Variants in TEX9 observed in about 807,000 individuals in gnomAD.
The protein encoded by TEX9 is testis-expressed protein 9.
Under a neutral mutation model 59.6 loss-of-function variants are expected in TEX9, and 74 were observed. The ratio of observed to expected loss-of-function variants is 1.24; its 90% CI spans 1.03 to 1.51. The LOEUF (loss-of-function observed/expected upper bound fraction) is 1.51. Among genes scored for constraint, TEX9 ranks in the 40% most tolerant of loss-of-function variants. The pLI, the probability that TEX9 is intolerant of heterozygous loss-of-function variation, is 0.00. For synonymous variants in TEX9, 186 were observed against 152.2 expected, an observed-to-expected ratio of 1.22 and a Z score of -1.64; for missense variants, 522 against 447.8, an observed-to-expected ratio of 1.17 and a Z score of -1.49.
At chr15:56,319,479 T>C (rs1269761299) in intron 1 of TEX9, among the ~76,000 whole-genome samples, 1 of 152,040 alleles carries the variant, frequency 6.6e-6, no homozygotes, top group Non-Finnish European at 1.5e-5. Context: ...ATGCAAAAAT[T>C]TTAATCACAC....
intron 1 of TEX9, among the ~76,000 whole-genome samples, chr15:56,309,719 T>TTTTTTTC (rs2045565852): frequency 7.0e-6 from 1 of 143,472 alleles, no homozygotes; most frequent in Non-Finnish European, 1.5e-5. Flanking sequence ...TTTTTTTTTT[T>TTTTTTTC]TTTTTAAAGC....
chr15:56,317,806 T>C (rs1435080629), intron 1 of TEX9, among the ~76,000 whole-genome samples: 1 of 152,204 alleles, frequency 6.6e-6, no homozygotes, highest in Non-Finnish European at 1.5e-5. Flanking sequence ...TTTCCACATA[T>C]CTGAGAATTT....
intron 1 of TEX9, among the ~76,000 whole-genome samples, chr15:56,294,355 T>C (rs1407264369): frequency 6.6e-6 from 1 of 152,224 alleles, no homozygotes; most frequent in African/African-American, 2.4e-5. Flanking sequence ...CTCCTCTCAC[T>C]CCTAACCTTG....
chr15:56,318,606 C>G (rs1567083888), intron 1 of TEX9, among the ~76,000 whole-genome samples: 1 of 151,678 alleles, frequency 6.6e-6, no homozygotes, highest in South Asian at 2.1e-4. Context: ...TTCTTTATTC[C>G]TTTATTACTT....
intron 1 of TEX9, among the ~76,000 whole-genome samples, chr15:56,315,912 C>A (rs541871882): frequency 1.3e-5 from 2 of 151,544 alleles, no homozygotes; most frequent in South Asian, 2.1e-4. Context: ...CATCTTCCAT[C>A]GCTGATACCC....
At chr15:56,436,679 GAGA>G (rs1293001740) in intron 12 of TEX9, among the ~76,000 whole-genome samples, 3 of 152,092 alleles carry the variant, frequency 2.0e-5, no homozygotes, top group South Asian at 2.1e-4. Context: ...CTGGTTTTCT[GAGA>G]AGATCAACAA....
At chr15:56,454,455 C>G in the TEX9 span, among the ~76,000 whole-genome samples, 17 of 152,082 alleles carry the variant, frequency 1.1e-4, no homozygotes, top group Non-Finnish European at 2.1e-4. Context: ...CTCATTCATT[C>G]TATTTTTTTT....
intron 12 of TEX9, chr15:56,429,654 GC>G (rs1184700688): frequency 6.6e-6 from 1 of 152,490 alleles, no homozygotes; most frequent in Non-Finnish European, 1.5e-5. Context: ...TTGGAGTTAA[GC>G]CATTTAAGCA....
intron 1 of TEX9, among the ~76,000 whole-genome samples, chr15:56,244,552 T>C (rs1375221947): frequency 6.6e-6 from 1 of 152,110 alleles, no homozygotes; most frequent in Non-Finnish European, 1.5e-5. Flanking sequence ...TTCGTGCCTT[T>C]GCTCATGCTG....
chr15:56,344,514 G>A (rs1434512501), intron 1 of TEX9, among the ~76,000 whole-genome samples: 1 of 152,088 alleles, frequency 6.6e-6, no homozygotes, highest in African/African-American at 2.4e-5. Context: ...GGTGGGTGGA[G>A]GGAAATGGGA....
In TEX9 at chr15:56,383,945, A is replaced by C; in HGVS notation, c.184-7A>C. 1.2e-6 allele frequency: 2 copies of C among 1,608,554 alleles called. No homozygotes were observed. Among genetic ancestry groups the C allele is most frequent in the South Asian group, 2.2e-5 (2 of 89,842 alleles). ...TATGATATATTACCTATCTTTACTC[A>C]TTTAAGAGAGATCGGCAAGAAGTAC... On this transcript the variant is annotated splice_region_variant and splice_polypyrimidine_tract_variant and intron_variant, in intron 3 of 12. Transcript: ENST00000352903.
chr15:56,392,592 A>G (rs1197944450), intron 7 of TEX9, among the ~76,000 whole-genome samples: 3 of 152,160 alleles, frequency 2.0e-5, no homozygotes, highest in African/African-American at 7.2e-5. Flanking sequence ...ATATCAGTTT[A>G]TCTTTAAAAT....
intron 3 of TEX9, among the ~76,000 whole-genome samples, chr15:56,383,460 A>G (rs1234685641): frequency 6.6e-6 from 1 of 152,184 alleles, no homozygotes; most frequent in Non-Finnish European, 1.5e-5. Context: ...GTAGGCTTCT[A>G]TTCCACCCTC....
At chr15:56,348,343 T>C (rs1342688064) in intron 1 of TEX9, among the ~76,000 whole-genome samples, 1 of 152,068 alleles carries the variant, frequency 6.6e-6, no homozygotes, top group Non-Finnish European at 1.5e-5. Context: ...TCAGGATAAT[T>C]GAGATTCCAG....
intron 1 of TEX9, among the ~76,000 whole-genome samples, chr15:56,273,972 T>G (rs1567069855): frequency 6.6e-6 from 1 of 152,212 alleles, no homozygotes. Flanking sequence ...TATCTGTGGC[T>G]TCATGTCTTA....
At chr15:56,443,103 C>T (rs1294786898) in intron 12 of TEX9, among the ~76,000 whole-genome samples, 2 of 152,110 alleles carry the variant, frequency 1.3e-5, no homozygotes, top group Non-Finnish European at 2.9e-5. Flanking sequence ...CTCATATTAA[C>T]GTAGCAACTC....
chr15:56,452,449 G>A, the TEX9 span, among the ~76,000 whole-genome samples: 10 of 151,942 alleles, frequency 6.6e-5, no homozygotes, highest in East Asian at 1.9e-4. Context: ...TACTTAGAAC[G>A]TACCAATATT....
At chr15:56,350,991 T>A (rs928511053) in intron 1 of TEX9, among the ~76,000 whole-genome samples, 2 of 152,196 alleles carry the variant, frequency 1.3e-5, no homozygotes, top group African/African-American at 4.8e-5. Flanking sequence ...ATAGCTTCAC[T>A]GAGAGTCACT....
chr15:56,359,527 T>C (rs967007546), intron 1 of TEX9, among the ~76,000 whole-genome samples: 2 of 152,188 alleles, frequency 1.3e-5, no homozygotes, highest in African/African-American at 4.8e-5. Context: ...TGTAGTAGCA[T>C]GTCTCAGAAT....
Sources: allele counts gnomAD v4.1 joint callset (sites outside exome capture counted in the v4.1 genomes callset), GRCh38; gene constraint gnomAD v4.1.1; transcripts MANE v1.5; gene names NCBI Gene and HGNC (gene_info 2026-07-23, HGNC 2026-07-21).